Variants in GPA33 observed in about 807,000 individuals in gnomAD.
The protein encoded by GPA33 is glycoprotein A33.
GPA33 carries 27 observed loss-of-function variants against 35.6 expected under a neutral mutation model. The observed-to-expected ratio is 0.76, with a 90% CI of 0.56 to 1.04. The LOEUF is 1.04. Among genes scored for constraint, GPA33 ranks in the 50% least tolerant of loss-of-function variants. GPA33 has a pLI of 0.00. For synonymous variants in GPA33, 176 were observed against 164.0 expected, an observed-to-expected ratio of 1.07 and a Z score of -0.56; for missense variants, 428 against 411.9, an observed-to-expected ratio of 1.04 and a Z score of -0.34.
chr1:167,075,009 C>T (rs1666796612), intron 1 of GPA33, among the ~76,000 whole-genome samples: 1 of 145,352 alleles, frequency 6.9e-6, no homozygotes, highest in South Asian at 2.2e-4. Flanking sequence ...TCAAGTGATT[C>T]TCCTGCCTCA....
In GPA33 at chr1:167,055,861, G is replaced by T; in HGVS notation, c.572-12C>A. The stretch of plus-strand genomic sequence containing the variant: ...AGGCTGACCTGAGGCTGCAGGGGAA[G>T]AAGAGTCAGGGTGAAGAGAGGCACT... On this transcript the variant is annotated splice_polypyrimidine_tract_variant and intron_variant, in intron 4 of 6. Coordinates refer to ENST00000367868, the MANE Select transcript of GPA33 (RefSeq NM_005814.3). 6.2e-7 allele frequency: 1 copy of T among 1,613,870 alleles called. No individual in the cohort carries two copies. Among genetic ancestry groups the T allele is most frequent in the Non-Finnish European group, 8.5e-7 (1 of 1,179,856 alleles).
intron 5 of GPA33, 148 bp downstream of exon 5, chr1:167,055,582 C>T (rs1666224616): frequency 1.2e-6 from 1 of 826,840 alleles, no homozygotes; most frequent in Non-Finnish European, 2.0e-6. Context: ...ACAGAGTCAT[C>T]CTGCCTAGGT....
intron 1 of GPA33, among the ~76,000 whole-genome samples, chr1:167,089,700 A>G (rs1242685202): frequency 6.6e-6 from 1 of 152,150 alleles, no homozygotes; most frequent in Non-Finnish European, 1.5e-5. Flanking sequence ...TTCAATGACC[A>G]GGGTCCCAGA....
intron 4 of GPA33, 149 bp from the exon 5 acceptor site, chr1:167,055,998 G>A (rs933777409): frequency 2.7e-6 from 2 of 747,478 alleles, no homozygotes; most frequent in Non-Finnish European, 4.4e-6. Context: ...AGGGCTGCAG[G>A]ACGCTTAAAC....
chr1:167,061,801 A>G (rs929182592), intron 4 of GPA33, among the ~76,000 whole-genome samples: 6 of 151,942 alleles, frequency 3.9e-5, no homozygotes. Flanking sequence ...ACGGGGTTTC[A>G]CCGTGTTAGC....
chr1:167,060,470 C>T (rs1171325646), intron 4 of GPA33, among the ~76,000 whole-genome samples: 1 of 152,208 alleles, frequency 6.6e-6, no homozygotes. Flanking sequence ...GATGCCAGGG[C>T]ATGTTGTTAT....
chr1:167,089,866 G>T (rs542041527), intron 1 of GPA33, among the ~76,000 whole-genome samples: 1 of 151,808 alleles, frequency 6.6e-6, no homozygotes, highest in African/African-American at 2.4e-5. Context: ...TAACACAAAC[G>T]TTAATATACT....
rs147404033 is a variant in GPA33 at position 167,064,214 on chromosome 1, G to T, written c.416-477C>A. Reference sequence around the variant, plus strand: ...CAGGAGAATTGCTTGAATCTGGGAGGCGGAGGTTGCAGTGAGCTGAGATCG... The same window carrying T: ...CAGGAGAATTGCTTGAATCTGGGAGTCGGAGGTTGCAGTGAGCTGAGATCG... On this transcript the variant is annotated intron_variant, in intron 3 of 6. Transcript: ENST00000367868. Among the ~76,000 whole-genome samples the T allele has an allele frequency of 4.8e-3, 735 of 152,208 alleles. 6 individuals are homozygous for T. The highest frequency in any genetic ancestry group is 0.017 in the African/African-American group (703 of 41,520).
intron 1 of GPA33, among the ~76,000 whole-genome samples, chr1:167,088,791 G>A (rs76509422): frequency 0.016 from 2,491 of 152,288 alleles, 85 homozygotes; most frequent in African/African-American, 0.057. Context: ...TTGGGGGTTG[G>A]GGTGGTGCAG....
intron 1 of GPA33, among the ~76,000 whole-genome samples, chr1:167,088,857 A>G (rs1476056588): frequency 2.6e-5 from 4 of 152,192 alleles, no homozygotes; most frequent in African/African-American, 9.6e-5. Flanking sequence ...TGGCCCAGCC[A>G]GGGAAGGATG....
intron 2 of GPA33, among the ~76,000 whole-genome samples, chr1:167,070,973 G>A (rs1053323399): frequency 2.6e-5 from 4 of 152,134 alleles, no homozygotes; most frequent in Non-Finnish European, 5.9e-5. Flanking sequence ...CTTTACGTGT[G>A]GGGTATCTGG....
chr1:167,054,215 TC>T lies in GPA33; in HGVS notation c.*118del. ...CACAGCTGACACTGGGGAAGAAATG[TC>T]CCCATCAATGTCTGGGATGGAGGGA... On this transcript the variant is annotated 3_prime_UTR_variant, in exon 7 of 7. Coordinates refer to ENST00000367868, the MANE Select transcript of GPA33 (RefSeq NM_005814.3). 1 of 1,293,046 alleles carries T rather than the reference TC, an allele frequency of 7.7e-7. No homozygotes were observed. Among genetic ancestry groups the T allele is most frequent in the South Asian group, 1.3e-5 (1 of 75,458 alleles). 80.1% of individuals were successfully genotyped at this position (1,293,046 alleles called of 1,614,324 possible). A position where few individuals can be genotyped will look rare whatever the true frequency, so the allele number is the denominator to read the frequency against.
At position 167,063,688 on chromosome 1, in the gene GPA33, C is replaced by T. The variant is rs202193771; in HGVS notation, c.465G>A (p.Gly155=). Residue 155 remains glycine (G), a synonymous_variant, in exon 4 of 7, where the codon GGG becomes GGA. Coordinates refer to ENST00000367868, the MANE Select transcript of GPA33 (RefSeq NM_005814.3). ...ECGIEGETII[G]NNIQLTCQSK... ...ATTGGCAGGTCAGCTGGATGTTGTTCCCAATTATGGTCTCTCCCTCGATGC... is the reference window on the plus strand; with the variant it reads ...ATTGGCAGGTCAGCTGGATGTTGTTTCCAATTATGGTCTCTCCCTCGATGC... 6.2e-7 allele frequency: 1 copy of T among 1,613,490 alleles called. No individual in the cohort carries two copies. The highest frequency in any genetic ancestry group is 8.5e-7 in the Non-Finnish European group (1 of 1,179,972).
At chr1:167,072,481 A>T (rs1256165787) in intron 2 of GPA33, among the ~76,000 whole-genome samples, 1 of 152,192 alleles carries the variant, frequency 6.6e-6, no homozygotes, top group African/African-American at 2.4e-5. Context: ...GAAAAATTTG[A>T]TGTTATTTGT....
Position 167,072,718 on chromosome 1 carries a change from A to G in GPA33, c.198+667T>C, listed in dbSNP as rs139834028. The stretch of plus-strand genomic sequence containing the variant: ...GTTGAAAAATGAGATAGATAAATAT[A>G]CTCATATACACAAAGAGCCCAAGAT... On this transcript the variant is annotated intron_variant, in intron 2 of 6. Coordinates refer to ENST00000367868, the MANE Select transcript of GPA33 (RefSeq NM_005814.3). Among the ~76,000 whole-genome samples the G allele has an allele frequency of 6.2e-4, 95 of 152,316 alleles. No individual in the cohort carries two copies. The East Asian group carries it at 0.018, about 29-fold the overall frequency.
Position 167,067,382 on chromosome 1 carries a change from T to G in GPA33, c.415+1540A>C, listed in dbSNP as rs147409051. On this transcript the variant is annotated intron_variant, in intron 3 of 6. Transcript: ENST00000367868. Reference sequence around the variant, plus strand: ...CTCCTAAAGTGCTGGGATTACAGGCTTGAGCTACCGCACCCGACCCTTCTT... The same window carrying G: ...CTCCTAAAGTGCTGGGATTACAGGCGTGAGCTACCGCACCCGACCCTTCTT... Among the ~76,000 whole-genome samples the G allele has an allele frequency of 5.2e-4, 79 of 152,250 alleles. 1 individual carries two copies. The highest frequency in any genetic ancestry group is 3.4e-3 in the Middle Eastern group (1 of 294).
intron 1 of GPA33, among the ~76,000 whole-genome samples, chr1:167,088,977 A>G (rs958512140): frequency 3.3e-5 from 5 of 152,268 alleles, no homozygotes; most frequent in East Asian, 3.9e-4. Flanking sequence ...CCTCACTTCT[A>G]TGGCACCTGC....
chr1:167,076,758 A>C (rs1666830564), intron 1 of GPA33, among the ~76,000 whole-genome samples: 1 of 152,178 alleles, frequency 6.6e-6, no homozygotes, highest in East Asian at 1.9e-4. Flanking sequence ...TATTTTCCTC[A>C]TGGTGATGCC....
chr1:167,062,271 A>T (rs1456056703), intron 4 of GPA33, among the ~76,000 whole-genome samples: 1 of 150,592 alleles, frequency 6.6e-6, no homozygotes, highest in Non-Finnish European at 1.5e-5. Context: ...GCTGGAGTGC[A>T]GTGGTGTGAT....
Sources: gnomAD v4.1 joint callset for allele counts (sites outside exome capture counted in the v4.1 genomes callset) on GRCh38, gnomAD v4.1.1 for gene constraint, MANE v1.5 for transcripts, NCBI Gene and HGNC (gene_info 2026-07-23, HGNC 2026-07-21) for gene names.